PPP3CA: variants seen among roughly 807,000 people sequenced by gnomAD.
The protein encoded by PPP3CA is CAM-PRP catalytic subunit.
Under a neutral mutation model 66.5 loss-of-function variants are expected in PPP3CA, and 14 were observed. The ratio of observed to expected loss-of-function variants is 0.21; its 90% confidence interval spans 0.14 to 0.33. The LOEUF (loss-of-function observed/expected upper bound fraction) is 0.33, where lower values mean the gene tolerates loss of function less well. Ranked by LOEUF, PPP3CA falls within the 10% of genes least tolerant of loss-of-function variation. The pLI is 1.00. For missense variants in PPP3CA, 317 were observed against 639.5 expected, an observed-to-expected ratio of 0.50 and a Z score of 5.44; for synonymous variants, 232 against 226.2, an observed-to-expected ratio of 1.03 and a Z score of -0.23.
At chr4:101,234,980 T>C (rs1166025745) in intron 1 of PPP3CA, among the ~76,000 whole-genome samples, 1 of 151,704 alleles carries the variant, frequency 6.6e-6, no homozygotes, top group Non-Finnish European at 1.5e-5. Context: ...CATCAATAAA[T>C]ATTGCAAACA....
At chr4:101,101,155 A>T (rs1730422216) in intron 3 of PPP3CA, among the ~76,000 whole-genome samples, 1 of 152,180 alleles carries the variant, frequency 6.6e-6, no homozygotes, top group African/African-American at 2.4e-5. Context: ...AGTTCATGTG[A>T]CTAATGATAT....
intron 1 of PPP3CA, among the ~76,000 whole-genome samples, chr4:101,241,059 G>A (rs549798479): frequency 3.9e-5 from 6 of 151,982 alleles, no homozygotes; most frequent in East Asian, 1.9e-4. Context: ...TAGAGACAGC[G>A]TCTCCCTATG....
At chr4:101,184,139 C>G (rs7673607) in intron 2 of PPP3CA, among the ~76,000 whole-genome samples, 2 of 152,086 alleles carry the variant, frequency 1.3e-5, no homozygotes, top group African/African-American at 4.8e-5. Context: ...ACCACAGGAT[C>G]AACTGAAAGA....
chr4:101,258,426 G>A (rs982712287), intron 1 of PPP3CA, among the ~76,000 whole-genome samples: 8 of 151,994 alleles, frequency 5.3e-5, no homozygotes, highest in Admixed American at 1.3e-4. Flanking sequence ...TCTTCTTCTT[G>A]GACAAGAAGA....
intron 1 of PPP3CA, among the ~76,000 whole-genome samples, chr4:101,248,894 C>T (rs146670335): frequency 0.017 from 2,536 of 152,200 alleles, 85 homozygotes; most frequent in African/African-American, 0.057. Flanking sequence ...GGCGCGGTGG[C>T]TCACGCCTGT....
At chr4:101,267,380 A>G (rs1199938449) in intron 1 of PPP3CA, among the ~76,000 whole-genome samples, 1 of 152,186 alleles carries the variant, frequency 6.6e-6, no homozygotes, top group Non-Finnish European at 1.5e-5. Flanking sequence ...CTCAGGGCCT[A>G]TGATACGCTA....
In PPP3CA at chr4:101,281,831, C is replaced by T. The variant is rs912124727; in HGVS notation, c.58+64908G>A. The stretch of plus-strand genomic sequence containing the variant: ...CATCCTCCCTAAATTAATCAAAATG[C>T]TTGTCTACATATAACAAAGACAGAC... On this transcript the variant is annotated intron_variant, in intron 1 of 13. Coordinates refer to ENST00000394854, the MANE Select transcript of PPP3CA (RefSeq NM_000944.5). Among the ~76,000 whole-genome samples, 10 of 152,260 alleles carry T rather than the reference C, an allele frequency of 6.6e-5. No individual in the cohort carries two copies. In the South Asian group the frequency reaches 1.9e-3, roughly 28 times the overall value.
At chr4:101,302,969 C>T (rs149481027) in intron 1 of PPP3CA, among the ~76,000 whole-genome samples, 243 of 152,234 alleles carry the variant, frequency 1.6e-3, no homozygotes, top group African/African-American at 5.5e-3. Flanking sequence ...TTGGGAATGG[C>T]CATTAAATTT....
intron 2 of PPP3CA, among the ~76,000 whole-genome samples, chr4:101,155,109 C>T (rs1052045308): frequency 5.3e-5 from 8 of 152,028 alleles, no homozygotes; most frequent in African/African-American, 1.9e-4. Flanking sequence ...GCCAACGCGC[C>T]CAGCCATATA....
intron 1 of PPP3CA, among the ~76,000 whole-genome samples, chr4:101,299,235 A>C (rs1426600481): frequency 1.3e-5 from 2 of 148,220 alleles, no homozygotes; most frequent in Non-Finnish European, 3.0e-5. Context: ...TTACAGGCAT[A>C]AGCCACTACA....
intron 1 of PPP3CA, among the ~76,000 whole-genome samples, chr4:101,212,795 AC>A (rs1311966193): frequency 1.3e-5 from 2 of 152,088 alleles, no homozygotes; most frequent in Non-Finnish European, 2.9e-5. Context: ...ATTTATGTAT[AC>A]GGCAGTATTT....
rs1197719028 is a variant in PPP3CA, at chr4:101,255,066, T to A, written c.59-58950A>T. Among the ~76,000 whole-genome samples the A allele has an allele frequency of 9.1e-5, 13 of 142,278 alleles. 1 individual carries two copies. Among genetic ancestry groups the A allele is most frequent in the Non-Finnish European group, 1.7e-4 (11 of 65,962 alleles). The allele number at this position is 142,278 out of a possible 152,430, so 93.3% of individuals were successfully genotyped here. On this transcript the variant is annotated intron_variant, in intron 1 of 13. Transcript: ENST00000394854. ...AAAAAAAAAAAAAAAGAAGCATGAG[T>A]CCCAGGACAAGATGTAAAGTTATAC...
intron 1 of PPP3CA, among the ~76,000 whole-genome samples, chr4:101,299,587 A>G (rs911601774): frequency 6.6e-6 from 1 of 152,142 alleles, no homozygotes; most frequent in South Asian, 2.1e-4. Context: ...TATGCAGCAC[A>G]TGACTGCTAT....
chr4:101,201,659 C>T (rs1243204675), intron 1 of PPP3CA, among the ~76,000 whole-genome samples: 3 of 152,208 alleles, frequency 2.0e-5, no homozygotes, highest in African/African-American at 7.2e-5. Context: ...AGGAACAGCT[C>T]TTGTCCCATA....
chr4:101,344,620 G>C (rs925207176), intron 1 of PPP3CA, among the ~76,000 whole-genome samples: 1 of 152,122 alleles, frequency 6.6e-6, no homozygotes, highest in Admixed American at 6.5e-5. Flanking sequence ...AAAATGAAAA[G>C]TCATTTATAA....
rs1219163243 is a variant in PPP3CA at position 101,023,725 on chromosome 4, G to A, written c.*2140C>T. 2 of 152,516 alleles carry A rather than the reference G, an allele frequency of 1.3e-5. No homozygotes were observed. Among genetic ancestry groups the A allele is most frequent in the African/African-American group, 2.4e-5 (1 of 41,398 alleles). 9.4% of individuals were successfully genotyped at this position (152,516 alleles called of 1,614,324 possible). ...GGGATAGTCTTTGCCAGACTGTATCGAGAACATCTTTGTTTGGGTATGCTA... is the reference window on the plus strand; with the variant it reads ...GGGATAGTCTTTGCCAGACTGTATCAAGAACATCTTTGTTTGGGTATGCTA... On this transcript the variant is annotated 3_prime_UTR_variant, in exon 14 of 14. Transcript: ENST00000394854.
intron 1 of PPP3CA, among the ~76,000 whole-genome samples, chr4:101,315,289 A>G (rs991395061): frequency 2.0e-5 from 3 of 152,240 alleles, no homozygotes; most frequent in South Asian, 4.1e-4. Context: ...ACTGTGAGAG[A>G]TAAACTGTTG....
chr4:101,205,698 A>G (rs1274127206), intron 1 of PPP3CA, among the ~76,000 whole-genome samples: 1 of 152,220 alleles, frequency 6.6e-6, no homozygotes, highest in Non-Finnish European at 1.5e-5. Flanking sequence ...AAACACCTAT[A>G]GGCATCAAAA....
At chr4:101,299,026 C>T (rs1454178441) in intron 1 of PPP3CA, among the ~76,000 whole-genome samples, 3 of 148,968 alleles carry the variant, frequency 2.0e-5, no homozygotes, top group Non-Finnish European at 4.4e-5. Flanking sequence ...CCATAGAAAA[C>T]TATGATATTC....
Sources: gnomAD v4.1 joint callset for allele counts (sites outside exome capture counted in the v4.1 genomes callset) on GRCh38, gnomAD v4.1.1 for gene constraint, MANE v1.5 for transcripts, NCBI Gene and HGNC (gene_info 2026-07-23, HGNC 2026-07-21) for gene names.